The following HTR1F variants were observed in gnomAD, a reference collection of about 807,000 sequenced individuals.
The protein encoded by HTR1F is 5-hydroxytryptamine (serotonin) receptor 1F, G protein-coupled.
Under a neutral mutation model 24.0 loss-of-function variants are expected in HTR1F, and 17 were observed. That is an observed-to-expected ratio of 0.71 (90% CI 0.48 to 1.06). The LOEUF is 1.06. HTR1F is among the 50% of genes least tolerant of loss of function. The pLI is 0.00. For synonymous variants in HTR1F, 186 were observed against 156.8 expected, an observed-to-expected ratio of 1.19 and a Z score of -1.39; for missense variants, 391 against 427.8, an observed-to-expected ratio of 0.91 and a Z score of 0.76.
chr3:87,923,119 C>T (rs1367342127), intron 2 of HTR1F, among the ~76,000 whole-genome samples: 1 of 151,908 alleles, frequency 6.6e-6, no homozygotes, highest in East Asian at 1.9e-4. Flanking sequence ...TTCCATTGGT[C>T]TATGTATCTT....
intron 2 of HTR1F, among the ~76,000 whole-genome samples, chr3:87,838,508 GT>G (rs534385232): frequency 3.0e-4 from 45 of 151,690 alleles, no homozygotes; most frequent in South Asian, 6.3e-4. Flanking sequence ...AAATTTTGAG[GT>G]TTTTTTTATA....
chr3:87,888,932 T>G (rs960294653), intron 2 of HTR1F, among the ~76,000 whole-genome samples: 5 of 152,222 alleles, frequency 3.3e-5, no homozygotes, highest in Non-Finnish European at 7.3e-5. Context: ...ATTCTTGTGT[T>G]GAAATCTGAT....
chr3:87,977,569 T>G (rs1705425113), intron 2 of HTR1F, among the ~76,000 whole-genome samples: 1 of 150,024 alleles, frequency 6.7e-6, no homozygotes, highest in Non-Finnish European at 1.5e-5. Context: ...CAGCTAATTT[T>G]TTTCTTTTTT....
At chr3:87,903,758 A>C (rs1473606560) in intron 2 of HTR1F, among the ~76,000 whole-genome samples, 2 of 152,168 alleles carry the variant, frequency 1.3e-5, no homozygotes, top group African/African-American at 4.8e-5. Context: ...CATTTGACCG[A>C]GCCATCCCAT....
intron 2 of HTR1F, among the ~76,000 whole-genome samples, chr3:87,891,748 T>C (rs1163725683): frequency 1.3e-5 from 2 of 152,352 alleles, no homozygotes; most frequent in East Asian, 1.9e-4. Flanking sequence ...CATGAAGGAA[T>C]GTCCACAAAA....
intron 2 of HTR1F, among the ~76,000 whole-genome samples, chr3:87,897,238 A>T (rs867874588): frequency 8.8e-5 from 13 of 147,848 alleles, no homozygotes; most frequent in East Asian, 5.9e-4. Context: ...TAAATGTTTT[A>T]TATATATATA....
At chr3:87,800,856 A>G (rs1267785612) in intron 1 of HTR1F, among the ~76,000 whole-genome samples, 1 of 152,170 alleles carries the variant, frequency 6.6e-6, no homozygotes, top group Non-Finnish European at 1.5e-5. Context: ...TGTTTCATAA[A>G]ATTAAAAGAC....
At chr3:87,958,591 G>T (rs1704995634) in intron 2 of HTR1F, among the ~76,000 whole-genome samples, 2 of 151,644 alleles carry the variant, frequency 1.3e-5, no homozygotes, top group East Asian at 3.9e-4. Flanking sequence ...GCCCTACAAG[G>T]ATATTAAAAT....
chr3:87,845,686 C>T (rs1032046801), intron 2 of HTR1F, among the ~76,000 whole-genome samples: 14 of 151,706 alleles, frequency 9.2e-5, no homozygotes, highest in Non-Finnish European at 7.4e-5. Context: ...TCAATGCCAT[C>T]CCCATCAAGC....
chr3:87,990,045 C>G (rs1269542166), intron 2 of HTR1F, among the ~76,000 whole-genome samples: 1 of 152,176 alleles, frequency 6.6e-6, no homozygotes. Context: ...AGTCTAGGTG[C>G]TGGGGTGATT....
At chr3:87,854,898 T>A (rs1705165338) in intron 2 of HTR1F, among the ~76,000 whole-genome samples, 1 of 152,022 alleles carries the variant, frequency 6.6e-6, no homozygotes, top group African/African-American at 2.4e-5. Flanking sequence ...ATTGTTTTGT[T>A]CCTGAATGTT....
At chr3:87,929,783 G>A (rs974106013) in intron 2 of HTR1F, among the ~76,000 whole-genome samples, 1 of 152,046 alleles carries the variant, frequency 6.6e-6, no homozygotes, top group African/African-American at 2.4e-5. Context: ...GGCTATTTGG[G>A]CTCTTTTTGG....
At position 87,916,076 on chromosome 3, in the gene HTR1F, A is replaced by G. The variant is rs912845917; in HGVS notation, c.-42-74632A>G. On this transcript the variant is annotated intron_variant, in intron 2 of 2. Coordinates refer to ENST00000319595, the MANE Select transcript of HTR1F (RefSeq NM_001322209.2). ...TTCAGCCTCCTCAAACAAAACAATT[A>G]TCAGGCAAGAAATTTGTATCCAGCT... 7.2e-5 allele frequency among the ~76,000 whole-genome samples: 11 copies of G among 152,262 alleles called. No individual in the cohort carries two copies. The East Asian group carries it at 1.5e-3, about 21-fold the overall frequency.
At chr3:87,796,067 GGA>G in intron 1 of HTR1F, among the ~76,000 whole-genome samples, 1 of 152,238 alleles carries the variant, frequency 6.6e-6, no homozygotes. Flanking sequence ...GCTATTCTGT[GGA>G]GAGTTTCTGT....
At chr3:87,858,698 C>G (rs533506324) in intron 2 of HTR1F, among the ~76,000 whole-genome samples, 1 of 151,672 alleles carries the variant, frequency 6.6e-6, no homozygotes, top group Non-Finnish European at 1.5e-5. Flanking sequence ...TTTTGTGTAA[C>G]CTTCTGAATA....
At chr3:87,964,342 A>G (rs939188597) in intron 2 of HTR1F, among the ~76,000 whole-genome samples, 3 of 152,332 alleles carry the variant, frequency 2.0e-5, no homozygotes, top group Non-Finnish European at 4.4e-5. Flanking sequence ...ACCAATAAAA[A>G]TAAGCAACAT....
chr3:87,884,424 G>A (rs531858174), intron 2 of HTR1F, among the ~76,000 whole-genome samples: 4 of 152,144 alleles, frequency 2.6e-5, no homozygotes, highest in Non-Finnish European at 5.9e-5. Context: ...ATCAATGCTA[G>A]GAAGGAACTG....
chr3:87,830,720 A>G (rs920922341), intron 2 of HTR1F, among the ~76,000 whole-genome samples: 1 of 150,498 alleles, frequency 6.6e-6, no homozygotes, highest in African/African-American at 2.5e-5. Flanking sequence ...GATGTTTTAG[A>G]AAAAAAATGT....
chr3:87,957,183 G>T (rs1704962776), intron 2 of HTR1F, among the ~76,000 whole-genome samples: 2 of 151,052 alleles, frequency 1.3e-5, no homozygotes, highest in African/African-American at 4.8e-5. Context: ...TCAATCAGAT[G>T]GACTTTTTTT....
Sources: allele counts gnomAD v4.1 joint callset (sites outside exome capture counted in the v4.1 genomes callset), GRCh38; gene constraint gnomAD v4.1.1; transcripts MANE v1.5; gene names NCBI Gene and HGNC (gene_info 2026-07-23, HGNC 2026-07-21).